The following SMYD3 variants were observed in gnomAD, a reference collection of about 807,000 sequenced individuals.
SMYD3 encodes SET and MYND domain containing 3.
A neutral mutation model predicts 57.7 loss-of-function variants in SMYD3; 36 were observed. The observed-to-expected ratio is 0.62, with a 90% confidence interval of 0.48 to 0.82. The LOEUF (loss-of-function observed/expected upper bound fraction) is 0.82, where lower values mean the gene tolerates loss of function less well. Ranked by LOEUF, SMYD3 falls within the 40% of genes least tolerant of loss-of-function variation. SMYD3 has a pLI of 0.00. For synonymous variants in SMYD3, 211 were observed against 195.0 expected, an observed-to-expected ratio of 1.08 and a Z score of -0.68; for missense variants, 515 against 538.8, an observed-to-expected ratio of 0.96 and a Z score of 0.44.
chr1:246,108,280 A>G (rs2061166607), intron 5 of SMYD3, among the ~76,000 whole-genome samples: 2 of 152,360 alleles, frequency 1.3e-5, no homozygotes, highest in South Asian at 4.1e-4. Context: ...CAAGAAGTTT[A>G]TAGTTCAGGG....
chr1:246,133,061 A>T (rs1406531628), intron 5 of SMYD3, among the ~76,000 whole-genome samples: 1 of 152,070 alleles, frequency 6.6e-6, no homozygotes, highest in East Asian at 1.9e-4. Context: ...TATAATAAAA[A>T]CTACAAAAAA....
intron 5 of SMYD3, among the ~76,000 whole-genome samples, chr1:246,156,959 T>C (rs1178981274): frequency 1.3e-5 from 2 of 152,180 alleles, no homozygotes; most frequent in Non-Finnish European, 2.9e-5. Context: ...CAATCCAACG[T>C]AGGCACCATT....
In SMYD3 at chr1:246,248,651, T is replaced by TG. The variant is rs1281438022; in HGVS notation, c.531+78549_531+78550insC. On this transcript the variant is annotated intron_variant, in intron 5 of 11. Coordinates refer to ENST00000490107, the MANE Select transcript of SMYD3 (RefSeq NM_001167740.2). ...TCTGACTTTCCTTTTTTTTTTTTTT[T>TG]TTTTTTTTGAGATGGAGTCTCGCTC... Among the ~76,000 whole-genome samples, 13 of 136,390 alleles carry TG rather than the reference T, an allele frequency of 9.5e-5. No individual in the cohort carries two copies. In the East Asian group the frequency reaches 2.7e-3, roughly 29 times the overall value. 89.5% of individuals were successfully genotyped at this position (136,390 alleles called of 152,430 possible).
chr1:245,781,342 TTAAG>T (rs2046818607), intron 10 of SMYD3, among the ~76,000 whole-genome samples: 1 of 152,198 alleles, frequency 6.6e-6, no homozygotes, highest in Non-Finnish European at 1.5e-5. Flanking sequence ...CATAGACAGA[TTAAG>T]TAACTTGCTA....
intron 1 of SMYD3, among the ~76,000 whole-genome samples, chr1:246,484,830 CACTTCAACCAAAATACCTAAACTACT>C (rs1288297248): frequency 1.1e-4 from 11 of 103,496 alleles, no homozygotes; most frequent in Non-Finnish European, 1.8e-4. Flanking sequence ...GAAAACACAT[CACTTCAACCAAAATACCTAAACTACT>C]GCACTAGTTA....
intron 8 of SMYD3, among the ~76,000 whole-genome samples, chr1:245,869,161 A>C (rs751374859): frequency 6.6e-6 from 1 of 151,866 alleles, no homozygotes; most frequent in Non-Finnish European, 1.5e-5. Context: ...TGAGTCCTGG[A>C]ATTTTTTTTT....
chr1:246,250,004 A>G (rs558695896), intron 5 of SMYD3, among the ~76,000 whole-genome samples: 34 of 152,326 alleles, frequency 2.2e-4, no homozygotes, highest in Admixed American at 7.2e-4. Context: ...GCACATTAAT[A>G]ACTGCAGGCA....
At chr1:246,380,720 C>T (rs2066373919) in intron 1 of SMYD3, among the ~76,000 whole-genome samples, 1 of 152,200 alleles carries the variant, frequency 6.6e-6, no homozygotes, top group African/African-American at 2.4e-5. Flanking sequence ...TAATGCTCAC[C>T]AAGCGCCTAT....
At chr1:245,959,462 T>C (rs2057943436) in intron 5 of SMYD3, among the ~76,000 whole-genome samples, 1 of 152,232 alleles carries the variant, frequency 6.6e-6, no homozygotes, top group African/African-American at 2.4e-5. Context: ...CTTGGTTGTG[T>C]GATTTTTGGT....
At chr1:245,846,773 A>T (rs1481451931) in intron 10 of SMYD3, among the ~76,000 whole-genome samples, 3 of 152,246 alleles carry the variant, frequency 2.0e-5, no homozygotes, top group African/African-American at 7.2e-5. Context: ...CTACTCCCCT[A>T]GAAAGATGAT....
At chr1:245,781,332 C>T (rs2046817945) in intron 10 of SMYD3, among the ~76,000 whole-genome samples, 1 of 152,182 alleles carries the variant, frequency 6.6e-6, no homozygotes, top group African/African-American at 2.4e-5. Flanking sequence ...GAAACTGAAG[C>T]ATAGACAGAT....
At chr1:246,143,779 T>C (rs1418091362) in intron 5 of SMYD3, among the ~76,000 whole-genome samples, 2 of 152,250 alleles carry the variant, frequency 1.3e-5, no homozygotes, top group Non-Finnish European at 2.9e-5. Flanking sequence ...TCCCAGCCTC[T>C]ATGCTTCTGG....
chr1:246,006,084 G>C (rs2059162783), intron 5 of SMYD3, among the ~76,000 whole-genome samples: 2 of 152,114 alleles, frequency 1.3e-5, no homozygotes, highest in South Asian at 2.1e-4. Context: ...CACTGTTTTA[G>C]GATTGGTTTT....
At chr1:246,433,173 A>C (rs1305577718) in intron 1 of SMYD3, among the ~76,000 whole-genome samples, 1 of 152,182 alleles carries the variant, frequency 6.6e-6, no homozygotes, top group Non-Finnish European at 1.5e-5. Context: ...TACCCCTATA[A>C]CATTCAAGCT....
intron 5 of SMYD3, among the ~76,000 whole-genome samples, chr1:245,958,213 T>C (rs1411589641): frequency 6.6e-6 from 1 of 152,166 alleles, no homozygotes; most frequent in Non-Finnish European, 1.5e-5. Flanking sequence ...GTTTTTCTGA[T>C]CCTCATGTTC....
chr1:245,831,541 G>A (rs1275955680), intron 10 of SMYD3, among the ~76,000 whole-genome samples: 4 of 152,242 alleles, frequency 2.6e-5, no homozygotes, highest in African/African-American at 4.8e-5. Flanking sequence ...AGTGAGAAAC[G>A]CACCTGCCAC....
chr1:245,818,778 A>C (rs1030493776), intron 10 of SMYD3, among the ~76,000 whole-genome samples: 2 of 151,902 alleles, frequency 1.3e-5, no homozygotes, highest in African/African-American at 4.9e-5. Flanking sequence ...AAACCAACAA[A>C]GATCAAAAGA....
At chr1:246,042,712 C>T (rs2059899466) in intron 5 of SMYD3, among the ~76,000 whole-genome samples, 1 of 151,858 alleles carries the variant, frequency 6.6e-6, no homozygotes, top group Non-Finnish European at 1.5e-5. Context: ...TGGTAAGTTA[C>T]CTCCTTCTTA....
chr1:245,837,475 A>C (rs945517447), intron 10 of SMYD3, among the ~76,000 whole-genome samples: 1 of 152,138 alleles, frequency 6.6e-6, no homozygotes, highest in Non-Finnish European at 1.5e-5. Context: ...AGCAGCAGGC[A>C]GCACCAGGTC....
Sources: allele counts gnomAD v4.1 joint callset (sites outside exome capture counted in the v4.1 genomes callset), GRCh38; gene constraint gnomAD v4.1.1; transcripts MANE v1.5; gene names NCBI Gene and HGNC (gene_info 2026-07-23, HGNC 2026-07-21).